TRIM2: variants seen among roughly 807,000 people sequenced by gnomAD.
TRIM2 encodes the protein tripartite motif-containing protein 2.
Under a neutral mutation model 75.2 loss-of-function variants are expected in TRIM2, and 20 were observed. That is an observed-to-expected ratio of 0.27 (90% confidence interval 0.19 to 0.39). The LOEUF (loss-of-function observed/expected upper bound fraction) is 0.39. Ranked by LOEUF, TRIM2 falls within the 10% of genes least tolerant of loss-of-function variation. TRIM2 has a pLI of 1.00. For synonymous variants in TRIM2, 373 were observed against 388.3 expected, an observed-to-expected ratio of 0.96 and a Z score of 0.46; for missense variants, 660 against 990.8, an observed-to-expected ratio of 0.67 and a Z score of 4.48.
intron 8 of TRIM2, 82 bp downstream of exon 8, chr4:153,316,081 G>A: frequency 1.5e-6 from 2 of 1,323,262 alleles, no homozygotes; most frequent in Non-Finnish European, 1.0e-6. Flanking sequence ...TTTCTTTTTT[G>A]AGATGCAGTG....
intron 2 of TRIM2, among the ~76,000 whole-genome samples, chr4:153,272,771 G>A (rs906662716): frequency 5.3e-5 from 8 of 152,176 alleles, no homozygotes; most frequent in East Asian, 1.9e-4. Context: ...GCGTCCAGCC[G>A]AGAAGATTTC....
chr4:153,188,126 C>T (rs1469174313), intron 1 of TRIM2, among the ~76,000 whole-genome samples: 6 of 152,156 alleles, frequency 3.9e-5, no homozygotes. Flanking sequence ...AGTTGTTATT[C>T]TAACACTGGA....
chr4:153,160,889 G>A (rs375216007), intron 1 of TRIM2, among the ~76,000 whole-genome samples: 2 of 151,804 alleles, frequency 1.3e-5, no homozygotes, highest in African/African-American at 2.4e-5. Flanking sequence ...AGTTACAGGC[G>A]TGAGCCACCA....
chr4:153,321,369 C>A (rs572007607), intron 8 of TRIM2, among the ~76,000 whole-genome samples: 1 of 152,106 alleles, frequency 6.6e-6, no homozygotes, highest in Non-Finnish European at 1.5e-5. Context: ...CTTCTTTATA[C>A]GTAGTCTAGA....
intron 1 of TRIM2, chr4:153,222,909 C>T (rs1458264935): frequency 6.6e-6 from 1 of 152,134 alleles, no homozygotes; most frequent in Non-Finnish European, 1.5e-5. Flanking sequence ...GGTCGCCTGC[C>T]CGCTGCCTGA....
intron 1 of TRIM2, among the ~76,000 whole-genome samples, chr4:153,255,025 C>T (rs1751730240): frequency 6.6e-6 from 1 of 152,192 alleles, no homozygotes; most frequent in Non-Finnish European, 1.5e-5. Flanking sequence ...TCCGCACACC[C>T]CGCACACCTC....
rs1003585072 is a variant in TRIM2, at chr4:153,295,003, T to C, written c.787-310T>C. ...GATACTGAATAATGAATATTTCAGA[T>C]GTCAGGCATAGCAATTAATTTGCTA... On this transcript the variant is annotated intron_variant, in intron 5 of 11. Transcript: ENST00000338700. This position sits in a 1 kb window ranked among gnomAD's most constrained non-coding sequence, Gnocchi z 7.2. Among the ~76,000 whole-genome samples the C allele has an allele frequency of 3.9e-5, 6 of 152,196 alleles. No individual in the cohort carries two copies. Among genetic ancestry groups the C allele is most frequent in the African/African-American group, 1.4e-4 (6 of 41,452 alleles).
At chr4:153,247,047 C>T (rs572162455) in intron 1 of TRIM2, among the ~76,000 whole-genome samples, 3 of 152,274 alleles carry the variant, frequency 2.0e-5, no homozygotes, top group Admixed American at 1.3e-4. Flanking sequence ...GCAAAACTGA[C>T]GCTGGAAGGG....
intron 1 of TRIM2, among the ~76,000 whole-genome samples, chr4:153,165,842 C>T (rs372823512): frequency 6.6e-6 from 1 of 152,132 alleles, no homozygotes; most frequent in African/African-American, 2.4e-5. Flanking sequence ...TTCATGGTGA[C>T]TTGCCATGAT....
chr4:153,244,319 C>CTCCTCCTCTTCCTCT (rs1553972979), intron 1 of TRIM2, among the ~76,000 whole-genome samples: 2 of 21,140 alleles, frequency 9.5e-5, no homozygotes, highest in Non-Finnish European at 7.8e-5. Context: ...CCTCCTCCTC[C>CTCCTCCTCTTCCTCT]TCTTCTTCTT....
In TRIM2 at chr4:153,164,134, A is replaced by ATTGTT. The variant is rs550731700; in HGVS notation, c.-49+10883_-49+10887dup. ...TTTACTTATATAAACACATGTACTTATTGTTTTGTTTTGTTTTGTTTTGAG... is the reference window on the plus strand; with the variant it reads ...TTTACTTATATAAACACATGTACTTATTGTTTTGTTTTGTTTTGTTTTGTTTTGAG... On this transcript the variant is annotated intron_variant, in intron 1 of 11. Coordinates refer to the TRIM2 transcript ENST00000437508. 4.1e-3 allele frequency among the ~76,000 whole-genome samples: 617 copies of ATTGTT among 151,992 alleles called. 2 individuals are homozygous for ATTGTT. Among genetic ancestry groups the ATTGTT allele is most frequent in the Admixed American group, 6.9e-3 (105 of 15,260 alleles).
At chr4:153,187,510 C>T (rs940093267) in intron 1 of TRIM2, among the ~76,000 whole-genome samples, 15 of 152,148 alleles carry the variant, frequency 9.9e-5, no homozygotes, top group African/African-American at 3.4e-4. Context: ...GATGCTCATC[C>T]GCAGGTTAGA....
chr4:153,303,370 G>T (rs1294656585), intron 6 of TRIM2, among the ~76,000 whole-genome samples: 2 of 151,892 alleles, frequency 1.3e-5, no homozygotes, highest in African/African-American at 2.4e-5. Flanking sequence ...CTACCTGGGA[G>T]GCTGAGGCAG....
intron 1 of TRIM2, among the ~76,000 whole-genome samples, chr4:153,160,870 A>T (rs971219812): frequency 6.6e-6 from 1 of 152,044 alleles, no homozygotes; most frequent in Non-Finnish European, 1.5e-5. Context: ...TAGCCTCCCG[A>T]AGTGCTGCAG....
At chr4:153,259,214 T>C (rs905360840) in intron 1 of TRIM2, among the ~76,000 whole-genome samples, 1 of 152,236 alleles carries the variant, frequency 6.6e-6, no homozygotes, top group African/African-American at 2.4e-5. Flanking sequence ...TTTCCATAGG[T>C]AATACTATAG....
intron 1 of TRIM2, among the ~76,000 whole-genome samples, chr4:153,193,706 C>G (rs902937848): frequency 4.6e-5 from 7 of 152,108 alleles, no homozygotes; most frequent in African/African-American, 1.7e-4. Flanking sequence ...TGAGTCTGCT[C>G]TCAAACACTA....
chr4:153,279,786 T>C (rs1195696358), intron 3 of TRIM2, among the ~76,000 whole-genome samples: 1 of 151,902 alleles, frequency 6.6e-6, no homozygotes, highest in Non-Finnish European at 1.5e-5. Flanking sequence ...CTATTAAAAA[T>C]ACAAAAATTA....
At chr4:153,313,536 C>G (rs1474342348) in intron 6 of TRIM2, among the ~76,000 whole-genome samples, 1 of 151,886 alleles carries the variant, frequency 6.6e-6, no homozygotes, top group Non-Finnish European at 1.5e-5. Context: ...AGTGCTTAAG[C>G]AGGTGTTTTA....
chr4:153,314,052 C>T (rs1452209425), intron 6 of TRIM2, among the ~76,000 whole-genome samples: 1 of 152,126 alleles, frequency 6.6e-6, no homozygotes, highest in Non-Finnish European at 1.5e-5. Flanking sequence ...TGTTTCCATT[C>T]ATTAATATTT....
Sources: gnomAD v4.1 joint callset for allele counts (sites outside exome capture counted in the v4.1 genomes callset) on GRCh38, gnomAD v4.1.1 for gene constraint, Gnocchi (gnomAD v3.1) non-coding constraint, MANE v1.5 for transcripts, NCBI Gene and HGNC (gene_info 2026-07-23, HGNC 2026-07-21) for gene names.